MAGI1: variants seen among roughly 807,000 people sequenced by gnomAD.
The protein encoded by MAGI1 is membrane-associated guanylate kinase, WW and PDZ domain-containing protein 1.
In MAGI1, 58 loss-of-function variants were observed where a neutral mutation model predicts 139.9. The observed-to-expected ratio is 0.41, with a 90% confidence interval of 0.34 to 0.52. The LOEUF (loss-of-function observed/expected upper bound fraction) is 0.52, where lower values mean the gene tolerates loss of function less well. Ranked by LOEUF, MAGI1 falls within the 20% of genes least tolerant of loss-of-function variation. The probability of loss-of-function intolerance (pLI) is 0.12; values close to 1 mark genes in which losing one functional copy is unlikely to be tolerated. For missense variants in MAGI1, 1,874 were observed against 1,901.6 expected, an observed-to-expected ratio of 0.99 and a Z score of 0.27; for synonymous variants, 812 against 737.9, an observed-to-expected ratio of 1.10 and a Z score of -1.63.
In MAGI1 at chr3:65,901,403, G is replaced by C. The variant is rs558230055; in HGVS notation, c.313+136593C>G. Among the ~76,000 whole-genome samples, 17 of 152,294 alleles carry C rather than the reference G, an allele frequency of 1.1e-4. No individual in the cohort carries two copies. The South Asian group carries it at 3.5e-3, about 32-fold the overall frequency. On this transcript the variant is annotated intron_variant, in intron 1 of 22. Transcript: ENST00000402939. ...GACGAAATTGGCTGGAGATATGAGC[G>C]TTGTTTTTACAATGTTTTAGTATCT... is the stretch of plus-strand genomic sequence containing the variant.
chr3:65,776,872 G>A (rs1495453), intron 1 of MAGI1, among the ~76,000 whole-genome samples: 74,528 of 151,992 alleles, frequency 0.49, 19,345 homozygotes, highest in Admixed American at 0.59. Flanking sequence ...TCTATCCATC[G>A]CTGGCTGCTT....
intron 2 of MAGI1, among the ~76,000 whole-genome samples, chr3:65,514,037 G>C (rs2077733830): frequency 7.9e-6 from 1 of 126,648 alleles, no homozygotes; most frequent in Admixed American, 8.5e-5. Context: ...TGACAAACCT[G>C]AGAAAAACAA....
At chr3:65,801,586 C>G (rs910908866) in intron 1 of MAGI1, among the ~76,000 whole-genome samples, 7 of 152,160 alleles carry the variant, frequency 4.6e-5, no homozygotes, top group African/African-American at 1.7e-4. Flanking sequence ...CTCCATCTCC[C>G]TGACAGCCTC....
intron 1 of MAGI1, among the ~76,000 whole-genome samples, chr3:65,730,897 C>T (rs925448673): frequency 6.8e-6 from 1 of 146,472 alleles, no homozygotes; most frequent in Non-Finnish European, 1.5e-5. Context: ...CTCCCCACCC[C>T]CCCGGGGTTT....
chr3:65,375,185 A>G lies in MAGI1; in HGVS notation c.3196+560T>C, dbSNP rs193041318. On this transcript the variant is annotated intron_variant, in intron 18 of 22. Coordinates refer to ENST00000402939, the MANE Select transcript of MAGI1 (RefSeq NM_001033057.2). ...GAGGAAAGGGTGAAGATTTTTCTGA[A>G]ACTTTTTTTTTTTTTTTTTTTGAGA... Among the ~76,000 whole-genome samples, 4 of 150,296 alleles carry G rather than the reference A, an allele frequency of 2.7e-5. No individual in the cohort carries two copies. The East Asian group carries it at 7.8e-4, about 29-fold the overall frequency.
intron 2 of MAGI1, among the ~76,000 whole-genome samples, chr3:65,557,847 G>A (rs1223650863): frequency 6.6e-6 from 1 of 152,084 alleles, no homozygotes; most frequent in African/African-American, 2.4e-5. Context: ...TTTGCTTTTG[G>A]TAGGGAGTTA....
chr3:65,690,622 G>C (rs866176965), intron 1 of MAGI1, among the ~76,000 whole-genome samples: 1 of 150,774 alleles, frequency 6.6e-6, no homozygotes, highest in Non-Finnish European at 1.5e-5. Flanking sequence ...CACCATGCCC[G>C]GCTCATTTGT....
intron 2 of MAGI1, among the ~76,000 whole-genome samples, chr3:65,531,181 CA>C (rs1441760557): frequency 6.6e-6 from 1 of 151,754 alleles, no homozygotes; most frequent in Non-Finnish European, 1.5e-5. Flanking sequence ...TGAAAAAAAT[CA>C]ACCCCAAATG....
chr3:65,546,211 T>C (rs1441321357), intron 2 of MAGI1, among the ~76,000 whole-genome samples: 1 of 152,208 alleles, frequency 6.6e-6, no homozygotes, highest in African/African-American at 2.4e-5. Context: ...CTTCATTTAC[T>C]TGTCATTCAG....
intron 1 of MAGI1, among the ~76,000 whole-genome samples, chr3:65,922,905 G>C (rs1423240743): frequency 2.0e-5 from 3 of 151,084 alleles, no homozygotes; most frequent in Admixed American, 1.3e-4. Context: ...ATGTCTATGA[G>C]GAACTCTGGT....
At chr3:65,453,501 T>C (rs747577866) in intron 5 of MAGI1, among the ~76,000 whole-genome samples, 161 bp from the exon 6 acceptor site, 31 of 152,096 alleles carry the variant, frequency 2.0e-4, no homozygotes, top group Non-Finnish European at 4.4e-4. Context: ...GAGTTTACAA[T>C]TATAAAATGG....
At chr3:65,650,587 G>C (rs576852290) in intron 1 of MAGI1, among the ~76,000 whole-genome samples, 1 of 152,338 alleles carries the variant, frequency 6.6e-6, no homozygotes, top group South Asian at 2.1e-4. Context: ...GCACATCCCT[G>C]TGTTAACACC....
At chr3:65,500,151 A>C (rs1466200294) in intron 2 of MAGI1, among the ~76,000 whole-genome samples, 2 of 152,192 alleles carry the variant, frequency 1.3e-5, no homozygotes, top group African/African-American at 4.8e-5. Context: ...CTTACCGATG[A>C]ATAGGAATAT....
chr3:65,885,729 A>C (rs1481408653), intron 1 of MAGI1, among the ~76,000 whole-genome samples: 1 of 152,256 alleles, frequency 6.6e-6, no homozygotes, highest in East Asian at 1.9e-4. Flanking sequence ...TTCACCTTCC[A>C]CCATGATTAT....
intron 14 of MAGI1, among the ~76,000 whole-genome samples, chr3:65,389,010 A>AT (rs1447903201): frequency 6.6e-6 from 1 of 151,144 alleles, no homozygotes; most frequent in East Asian, 2.0e-4. Flanking sequence ...CACCCGGCTA[A>AT]TTTTTGTATT....
At chr3:65,552,925 C>A (rs566558247) in intron 2 of MAGI1, among the ~76,000 whole-genome samples, 1 of 152,076 alleles carries the variant, frequency 6.6e-6, no homozygotes, top group Non-Finnish European at 1.5e-5. Context: ...AGATGGTAAA[C>A]GTAAAATTTC....
intron 1 of MAGI1, among the ~76,000 whole-genome samples, chr3:65,702,919 G>A (rs775315049): frequency 2.0e-5 from 3 of 151,910 alleles, no homozygotes; most frequent in Non-Finnish European, 4.4e-5. Flanking sequence ...ATGGTGGTGA[G>A]AAACCGTCTT....
At chr3:66,001,903 T>A (rs1301836960) in intron 1 of MAGI1, among the ~76,000 whole-genome samples, 1 of 152,148 alleles carries the variant, frequency 6.6e-6, no homozygotes, top group African/African-American at 2.4e-5. Flanking sequence ...ACAAAAGTGA[T>A]CCTATATGAT....
chr3:65,631,961 G>A (rs2084338927), intron 1 of MAGI1, among the ~76,000 whole-genome samples: 1 of 150,896 alleles, frequency 6.6e-6, no homozygotes, highest in Non-Finnish European at 1.5e-5. Context: ...GGAGGCAGAG[G>A]TTGCAGTGAG....
Sources: allele counts gnomAD v4.1 joint callset (sites outside exome capture counted in the v4.1 genomes callset), GRCh38; gene constraint gnomAD v4.1.1; transcripts MANE v1.5; gene names NCBI Gene and HGNC (gene_info 2026-07-23, HGNC 2026-07-21).